Variants in GAS7 observed in about 807,000 individuals in gnomAD.
GAS7 encodes the protein growth arrest specific 7, also known as growth arrest-specific protein 7.
A neutral mutation model predicts 71.1 loss-of-function variants in GAS7; 28 were observed. The ratio of observed to expected loss-of-function variants is 0.39; its 90% CI spans 0.29 to 0.54. GAS7 has a LOEUF of 0.54. GAS7 is among the 20% of genes least tolerant of loss of function. The pLI, the probability that GAS7 is intolerant of heterozygous loss-of-function variation, is 0.62. For missense variants in GAS7, 436 were observed against 627.8 expected (o/e 0.69, Z 3.27); for synonymous variants, 258 against 245.8 (o/e 1.05, Z -0.46).
intron 1 of GAS7, among the ~76,000 whole-genome samples, chr17:10,133,123 T>TATATATATATATATATATATATATA (rs770717224): frequency 1.5e-5 from 2 of 129,256 alleles, no homozygotes; most frequent in South Asian, 5.9e-4. Flanking sequence ...TATTTTTATA[T>TATATATATATATATATATATATATA]TTTTTTTTTT....
chr17:10,024,795 C>T (rs905158164), intron 1 of GAS7, among the ~76,000 whole-genome samples: 3 of 152,160 alleles, frequency 2.0e-5, no homozygotes, highest in Non-Finnish European at 4.4e-5. Flanking sequence ...AATGGGTGCA[C>T]ATACACACAC....
Position 9,981,793 on chromosome 17 carries a change from G to A in GAS7, c.385+11C>T. The stretch of plus-strand genomic sequence containing the variant: ...CCTCCCAGTTGCCCCAAAGCAGACA[G>A]CGGACATTACCTGTTGGAGGCAGAG... On this transcript the variant is annotated intron_variant, in intron 3 of 13. Transcript: ENST00000432992. The surrounding 1 kb of genome is among the most constrained non-coding windows in gnomAD (Gnocchi z 4.4). 6.6e-7 allele frequency: 1 copy of A among 1,506,208 alleles called. No homozygotes were observed. 93.3% of individuals were successfully genotyped at this position (1,506,208 alleles called of 1,614,324 possible). A position where few individuals can be genotyped will look rare whatever the true frequency, so the allele number is the denominator to read the frequency against.
chr17:9,996,566 TAA>T lies in GAS7; in HGVS notation c.305-14684_305-14683del, dbSNP rs59454754. Among the ~76,000 whole-genome samples the T allele has an allele frequency of 9.8e-3, 1,365 of 139,336 alleles. 22 individuals carry two copies. Among genetic ancestry groups the T allele is most frequent in the African/African-American group, 0.031 (1,155 of 37,592 alleles). 91.4% of individuals were successfully genotyped at this position (139,336 alleles called of 152,430 possible). A position where few individuals can be genotyped will look rare whatever the true frequency, so the allele number is the denominator to read the frequency against. On this transcript the variant is annotated intron_variant, in intron 2 of 13. Coordinates refer to ENST00000432992, the MANE Select transcript of GAS7 (RefSeq NM_201433.2). ...GTACCCTAAAACTTAAAGTATAATTTAAAAAAAAAAAAAAGACTATATATATA... is the reference window on the plus strand; with the variant it reads ...GTACCCTAAAACTTAAAGTATAATTTAAAAAAAAAAAAGACTATATATATA...
chr17:10,161,847 G>A (rs1409493299), intron 1 of GAS7, among the ~76,000 whole-genome samples: 1 of 152,116 alleles, frequency 6.6e-6, no homozygotes, highest in East Asian at 1.9e-4. Context: ...GGCGGATCAT[G>A]AGGTCAGGAG....
intron 1 of GAS7, 134 bp from the exon 2 acceptor site, chr17:10,020,031 GGTCAGAGGCAGCACACAC>G (rs1287135246): frequency 2.4e-6 from 2 of 817,396 alleles, no homozygotes; most frequent in Non-Finnish European, 3.9e-6. Flanking sequence ...AAACCCCTGA[GGTCAGAGGCAGCACACAC>G]GTGACCTCCG....
chr17:10,140,054 C>A (rs973883980), intron 1 of GAS7, among the ~76,000 whole-genome samples: 4 of 152,212 alleles, frequency 2.6e-5, no homozygotes, highest in Non-Finnish European at 5.9e-5. Context: ...TTCTTAACTT[C>A]ACCTTTCCCG....
intron 1 of GAS7, among the ~76,000 whole-genome samples, chr17:10,096,905 G>GA (rs1384773184): frequency 1.3e-5 from 2 of 152,214 alleles, no homozygotes; most frequent in Non-Finnish European, 2.9e-5. Context: ...CTTTGCAATA[G>GA]AAAGGGTCCC....
intron 2 of GAS7, among the ~76,000 whole-genome samples, chr17:10,008,767 GCTCT>G (rs531212566): frequency 1.6e-4 from 24 of 149,274 alleles, no homozygotes; most frequent in African/African-American, 3.4e-4. Flanking sequence ...TTAGGCTGGC[GCTCT>G]CTCTCTCTCT....
intron 1 of GAS7, among the ~76,000 whole-genome samples, chr17:10,059,078 C>T (rs1019445500): frequency 6.6e-6 from 1 of 152,212 alleles, no homozygotes; most frequent in Non-Finnish European, 1.5e-5. Flanking sequence ...TGCGCACAAA[C>T]GTGGCATGCA....
At position 10,073,050 on chromosome 17, in the gene GAS7, C is replaced by T. The variant is rs537081899; in HGVS notation, c.184-53153G>A. Among the ~76,000 whole-genome samples the T allele has an allele frequency of 5.9e-4, 90 of 152,234 alleles. No individual in the cohort carries two copies. The South Asian group carries it at 6.4e-3, about 11-fold the overall frequency. Reference sequence around the variant, plus strand: ...AAGGTGGCCCTCCCCGGCCCAGGACCAGAGTGACAGCAAGGCAAAGGCTCG... The same window carrying T: ...AAGGTGGCCCTCCCCGGCCCAGGACTAGAGTGACAGCAAGGCAAAGGCTCG... On this transcript the variant is annotated intron_variant, in intron 1 of 13. Transcript: ENST00000432992.
chr17:9,927,487 A>AC (rs1555589867), intron 9 of GAS7, among the ~76,000 whole-genome samples: 1 of 151,908 alleles, frequency 6.6e-6, no homozygotes, highest in East Asian at 1.9e-4. Flanking sequence ...CTCAAAAAAA[A>AC]AAAACAAAAC....
chr17:9,962,239 T>TACACACACAC (rs58521200), intron 4 of GAS7, among the ~76,000 whole-genome samples: 4,082 of 148,700 alleles, frequency 0.027, 172 homozygotes, highest in African/African-American at 0.091. Flanking sequence ...GTGCATTTTA[T>TACACACACAC]ACACACACAC....
chr17:10,179,637 G>A (rs2074399441), intron 1 of GAS7, among the ~76,000 whole-genome samples: 1 of 152,146 alleles, frequency 6.6e-6, no homozygotes. Flanking sequence ...CAAACTCAGA[G>A]ATCCACAGAA....
At position 10,148,808 on chromosome 17, in the gene GAS7, G is replaced by C. The variant is rs1597820437; in HGVS notation, c.183+49400C>G. On this transcript the variant is annotated intron_variant, in intron 1 of 13. Coordinates refer to ENST00000432992, the MANE Select transcript of GAS7 (RefSeq NM_201433.2). ...GCCTGCAGTCCCAGCTACTCCGGAG[G>C]CTGAGGCAGGAGAATGGCATGAACC... is the stretch of plus-strand genomic sequence containing the variant. 2.0e-5 allele frequency among the ~76,000 whole-genome samples: 3 copies of C among 151,066 alleles called. No individual in the cohort carries two copies. In the Admixed American group the frequency reaches 2.0e-4, roughly 10 times the overall value.
chr17:10,125,747 A>C (rs920507041), intron 1 of GAS7, among the ~76,000 whole-genome samples: 12 of 151,962 alleles, frequency 7.9e-5, no homozygotes. Flanking sequence ...GGGGAATTAG[A>C]CTAAGTCTTG....
intron 2 of GAS7, among the ~76,000 whole-genome samples, chr17:9,982,854 AAAGAAAGAAAGAAAGC>A (rs1469720298): frequency 9.5e-4 from 143 of 150,950 alleles, no homozygotes; most frequent in African/African-American, 3.2e-3. Flanking sequence ...AGAAAGAAAG[AAAGAAAGAAAGAAAGC>A]AAAGAAAGCA....
At chr17:9,942,657 C>T (rs1226463590) in intron 7 of GAS7, among the ~76,000 whole-genome samples, 3 of 152,174 alleles carry the variant, frequency 2.0e-5, no homozygotes, top group East Asian at 1.9e-4. Flanking sequence ...CCACTGGTTA[C>T]GGTAAAGGGC....
intron 1 of GAS7, among the ~76,000 whole-genome samples, chr17:10,100,924 T>C (rs927311885): frequency 2.0e-5 from 3 of 152,292 alleles, no homozygotes; most frequent in African/African-American, 4.8e-5. Flanking sequence ...GCTTCTTCTA[T>C]TGGTTATTTA....
intron 1 of GAS7, among the ~76,000 whole-genome samples, chr17:10,112,749 CAAAGA>C: frequency 4.1e-5 from 1 of 24,482 alleles, no homozygotes; most frequent in East Asian, 9.3e-4. Flanking sequence ...CAAAAACAAA[CAAAGA>C]AAAGAAAAAA....
Sources: gnomAD v4.1 joint callset for allele counts (sites outside exome capture counted in the v4.1 genomes callset) on GRCh38, gnomAD v4.1.1 for gene constraint, Gnocchi (gnomAD v3.1) non-coding constraint, MANE v1.5 for transcripts, NCBI Gene and HGNC (gene_info 2026-07-23, HGNC 2026-07-21) for gene names.